GPC5: variants seen among roughly 807,000 people sequenced by gnomAD.
The protein encoded by GPC5 is glypican-5.
A neutral mutation model predicts 53.9 loss-of-function variants in GPC5; 47 were observed. The ratio of observed to expected loss-of-function variants is 0.87; its 90% confidence interval spans 0.69 to 1.11. The LOEUF (loss-of-function observed/expected upper bound fraction) is 1.11. Among genes scored for constraint, GPC5 ranks in the 50% most tolerant of loss-of-function variants. The probability of loss-of-function intolerance (pLI) is 0.00; values close to 1 mark genes in which losing one functional copy is unlikely to be tolerated. For synonymous variants in GPC5, 286 were observed against 263.3 expected (o/e 1.09, Z -0.84); for missense variants, 748 against 713.1 (o/e 1.05, Z -0.56).
intron 7 of GPC5, among the ~76,000 whole-genome samples, chr13:92,296,773 CT>C (rs1413783685): frequency 1.3e-5 from 2 of 152,228 alleles, no homozygotes; most frequent in Non-Finnish European, 2.9e-5. Flanking sequence ...CCAGCCAGCC[CT>C]GCTGGCCCCG....
intron 2 of GPC5, among the ~76,000 whole-genome samples, chr13:91,502,324 C>G (rs1884684049): frequency 1.3e-5 from 2 of 152,070 alleles, no homozygotes; most frequent in African/African-American, 4.8e-5. Context: ...CTTGCTCATG[C>G]CTATGTCCTG....
At chr13:92,033,648 C>T (rs2040870991) in intron 6 of GPC5, among the ~76,000 whole-genome samples, 2 of 152,164 alleles carry the variant, frequency 1.3e-5, no homozygotes. Context: ...CCAGATTTTT[C>T]AGTGTCAATA....
chr13:91,524,937 CT>C (rs1382454564), intron 2 of GPC5, among the ~76,000 whole-genome samples: 5 of 152,176 alleles, frequency 3.3e-5, no homozygotes, highest in African/African-American at 1.2e-4. Flanking sequence ...AATGTTCCCT[CT>C]TGTATTACTG....
intron 6 of GPC5, among the ~76,000 whole-genome samples, chr13:91,985,946 C>T (rs2040402657): frequency 6.6e-6 from 1 of 151,888 alleles, no homozygotes; most frequent in South Asian, 2.1e-4. Context: ...CAGTCATAGG[C>T]ATCCAGGACT....
At chr13:91,811,533 A>G (rs1189583332) in intron 5 of GPC5, among the ~76,000 whole-genome samples, 1 of 152,304 alleles carries the variant, frequency 6.6e-6, no homozygotes, top group East Asian at 1.9e-4. Context: ...GTAATTTTTT[A>G]ACAGGTATAA....
In GPC5 at chr13:91,776,888, G is replaced by T. The variant is rs369328960; in HGVS notation, c.1280+20468G>T. 4.1e-4 allele frequency among the ~76,000 whole-genome samples: 62 copies of T among 152,254 alleles called. 1 individual carries two copies. In the South Asian group the frequency reaches 0.012, roughly 30 times the overall value. ...ATTTCAATCCAGTGCCTGTCATCAT[G>T]CAACCATCAGAAAATAATTAAATCT... On this transcript the variant is annotated intron_variant, in intron 5 of 7. Transcript: ENST00000377067.
chr13:91,474,011 A>G (rs1280911052), intron 2 of GPC5, among the ~76,000 whole-genome samples: 1 of 152,128 alleles, frequency 6.6e-6, no homozygotes, highest in Non-Finnish European at 1.5e-5. Flanking sequence ...TTTGAAATGC[A>G]TTTGGGGAGG....
intron 2 of GPC5, among the ~76,000 whole-genome samples, chr13:91,591,219 C>G (rs1398072793): frequency 1.3e-5 from 2 of 152,124 alleles, no homozygotes; most frequent in Non-Finnish European, 2.9e-5. Context: ...AATCTTCCAC[C>G]AGAAATTGGG....
At chr13:91,582,199 G>A (rs2032389606) in intron 2 of GPC5, among the ~76,000 whole-genome samples, 1 of 152,152 alleles carries the variant, frequency 6.6e-6, no homozygotes. Flanking sequence ...TTAGGTGTAA[G>A]CTAATAGTAG....
intron 7 of GPC5, among the ~76,000 whole-genome samples, chr13:92,744,199 G>A (rs1439512828): frequency 6.6e-6 from 1 of 151,330 alleles, no homozygotes; most frequent in African/African-American, 2.4e-5. Flanking sequence ...GAATGGAGAA[G>A]AATGATGCAA....
intron 6 of GPC5, among the ~76,000 whole-genome samples, chr13:92,039,502 A>G (rs2040924990): frequency 6.6e-6 from 1 of 152,262 alleles, no homozygotes; most frequent in African/African-American, 2.4e-5. Context: ...TAAAGGCATA[A>G]GCAAGTAAGG....
At chr13:91,895,099 T>C (rs1301020943) in intron 5 of GPC5, among the ~76,000 whole-genome samples, 1 of 150,224 alleles carries the variant, frequency 6.7e-6, no homozygotes, top group Non-Finnish European at 1.5e-5. Context: ...AAGGTCCGCC[T>C]GAGTGAAGAC....
chr13:91,456,319 G>A (rs542537054), intron 2 of GPC5, among the ~76,000 whole-genome samples: 10 of 151,672 alleles, frequency 6.6e-5, no homozygotes, highest in African/African-American at 2.4e-4. Flanking sequence ...TAGTTAAATT[G>A]AGTTCATTTT....
chr13:92,470,235 G>T (rs76106569), intron 7 of GPC5, among the ~76,000 whole-genome samples: 4,049 of 152,196 alleles, frequency 0.027, 70 homozygotes, highest in Non-Finnish European at 0.039. Flanking sequence ...CTATATAACA[G>T]CGAAAATATT....
intron 1 of GPC5, 118 bp downstream of exon 1, chr13:91,399,327 G>T (rs571717735): frequency 3.9e-5 from 50 of 1,268,984 alleles, no homozygotes; most frequent in Non-Finnish European, 5.0e-5. Context: ...AGCCGCGCAG[G>T]GTGAATCCCG....
chr13:92,693,340 A>G (rs1157932921), intron 7 of GPC5, among the ~76,000 whole-genome samples: 4 of 152,162 alleles, frequency 2.6e-5, no homozygotes, highest in Non-Finnish European at 5.9e-5. Context: ...AAGGCTCATA[A>G]TAAGATAGGA....
intron 7 of GPC5, among the ~76,000 whole-genome samples, chr13:92,496,545 G>A (rs1254475303): frequency 6.6e-6 from 1 of 152,122 alleles, no homozygotes; most frequent in Non-Finnish European, 1.5e-5. Flanking sequence ...TGCAAAATGA[G>A]GAGAAACTTA....
intron 7 of GPC5, among the ~76,000 whole-genome samples, chr13:92,602,296 TA>T (rs1884105149): frequency 2.1e-5 from 3 of 143,254 alleles, no homozygotes; most frequent in Non-Finnish European, 4.5e-5. Flanking sequence ...GAGTACTCTG[TA>T]AAGAATAATT....
At chr13:92,023,665 G>GGC (rs2040776718) in intron 6 of GPC5, among the ~76,000 whole-genome samples, 1 of 141,120 alleles carries the variant, frequency 7.1e-6, no homozygotes, top group Non-Finnish European at 1.5e-5. Flanking sequence ...CTTTGCTGAG[G>GGC]ACACACACAC....
Sources: allele counts gnomAD v4.1 joint callset (sites outside exome capture counted in the v4.1 genomes callset), GRCh38; gene constraint gnomAD v4.1.1; transcripts MANE v1.5; gene names NCBI Gene and HGNC (gene_info 2026-07-23, HGNC 2026-07-21).